The following CMTM7 variants were observed in gnomAD, a reference collection of about 807,000 sequenced individuals.
CMTM7 encodes the protein CKLF like MARVEL transmembrane domain containing 7.
A neutral mutation model predicts 19.3 loss-of-function variants in CMTM7; 7 were observed. The observed-to-expected ratio is 0.36, with a 90% confidence interval of 0.21 to 0.68. CMTM7 has a LOEUF of 0.68. Ranked by LOEUF, CMTM7 falls within the 30% of genes least tolerant of loss-of-function variation. The pLI is 0.60. For synonymous variants in CMTM7, 87 were observed against 99.3 expected (o/e 0.88, Z 0.74); for missense variants, 193 against 232.6 (o/e 0.83, Z 1.11).
intron 1 of CMTM7, among the ~76,000 whole-genome samples, chr3:32,397,598 G>T (rs1695937545): frequency 6.6e-6 from 1 of 152,086 alleles, no homozygotes; most frequent in Non-Finnish European, 1.5e-5. Context: ...GCCAGGCGTG[G>T]TGGCACACGC....
chr3:32,392,843 C>T (rs1166918998), intron 1 of CMTM7, among the ~76,000 whole-genome samples: 2 of 152,234 alleles, frequency 1.3e-5, no homozygotes, highest in Admixed American at 1.3e-4. Flanking sequence ...CCTACCAGGG[C>T]AGACGTTGCC....
intron 1 of CMTM7, among the ~76,000 whole-genome samples, chr3:32,406,983 G>T (rs1280470841): frequency 1.3e-5 from 2 of 152,222 alleles, no homozygotes; most frequent in Non-Finnish European, 2.9e-5. Context: ...GCAGAAGGCT[G>T]CAAGCATAAT....
chr3:32,414,206 T>C (rs568086841), intron 1 of CMTM7, among the ~76,000 whole-genome samples: 38 of 152,302 alleles, frequency 2.5e-4, no homozygotes, highest in Admixed American at 2.1e-3. Context: ...TCAGAGTCTA[T>C]TTCCAGGGAA....
intron 1 of CMTM7, among the ~76,000 whole-genome samples, chr3:32,418,036 G>A (rs764392731): frequency 6.6e-6 from 1 of 152,116 alleles, no homozygotes; most frequent in African/African-American, 2.4e-5. Flanking sequence ...TGCTAAGGCT[G>A]GTCTCGAACT....
At chr3:32,431,531 ACTTGC>A (rs1696518744) in intron 1 of CMTM7, among the ~76,000 whole-genome samples, 1 of 152,072 alleles carries the variant, frequency 6.6e-6, no homozygotes, top group African/African-American at 2.4e-5. Flanking sequence ...TAAACTATGG[ACTTGC>A]CTTCTGTCAC....
intron 1 of CMTM7, among the ~76,000 whole-genome samples, chr3:32,431,297 G>A (rs982540953): frequency 1.1e-4 from 17 of 152,172 alleles, no homozygotes; most frequent in African/African-American, 3.9e-4. Flanking sequence ...GCCAGGGGAG[G>A]TGGTTATCTC....
chr3:32,416,299 A>G (rs1485925996), intron 1 of CMTM7, among the ~76,000 whole-genome samples: 1 of 150,710 alleles, frequency 6.6e-6, no homozygotes, highest in Non-Finnish European at 1.5e-5. Context: ...CCCAGGTTCA[A>G]GCAATTCTGC....
At chr3:32,398,518 A>G (rs1335309474) in intron 1 of CMTM7, among the ~76,000 whole-genome samples, 1 of 152,194 alleles carries the variant, frequency 6.6e-6, no homozygotes, top group Non-Finnish European at 1.5e-5. Context: ...GAAAATAAAC[A>G]TTAATCAAAA....
intron 4 of CMTM7, among the ~76,000 whole-genome samples, chr3:32,454,037 A>G (rs1426300061): frequency 1.3e-5 from 2 of 152,180 alleles, no homozygotes; most frequent in East Asian, 1.9e-4. Context: ...GGGAGTGCGG[A>G]TGGGAGTCAC....
intron 1 of CMTM7, among the ~76,000 whole-genome samples, chr3:32,408,685 C>T (rs945837946): frequency 1.3e-5 from 2 of 152,080 alleles, no homozygotes; most frequent in African/African-American, 2.4e-5. Context: ...TCCCCAGATT[C>T]CCCCAAACCA....
At chr3:32,436,493 A>G (rs1696600360) in intron 1 of CMTM7, among the ~76,000 whole-genome samples, 1 of 152,076 alleles carries the variant, frequency 6.6e-6, no homozygotes, top group Non-Finnish European at 1.5e-5. Context: ...CTGCATCCTC[A>G]TCTGCATCTC....
intron 3 of CMTM7, chr3:32,451,647 G>T (rs758624017): frequency 1.0e-4 from 19 of 186,446 alleles, no homozygotes; most frequent in Admixed American, 4.7e-4. Flanking sequence ...TTGTTCACAA[G>T]CAAGGAAAAT....
At chr3:32,424,196 G>A (rs1325605273) in intron 1 of CMTM7, among the ~76,000 whole-genome samples, 2 of 152,176 alleles carry the variant, frequency 1.3e-5, no homozygotes, top group East Asian at 3.8e-4. Flanking sequence ...ATGCTGGCTG[G>A]CGGCCTTATG....
chr3:32,394,034 A>G (rs1179311936), intron 1 of CMTM7, among the ~76,000 whole-genome samples: 1 of 152,218 alleles, frequency 6.6e-6, no homozygotes, highest in African/African-American at 2.4e-5. Context: ...TCTTAAAACC[A>G]TGCTGAGGAG....
At chr3:32,443,602 T>G (rs1002731405) in intron 2 of CMTM7, among the ~76,000 whole-genome samples, 4 of 152,200 alleles carry the variant, frequency 2.6e-5, no homozygotes, top group African/African-American at 9.7e-5. Flanking sequence ...AATTACTGAG[T>G]CATATGGTCA....
At chr3:32,437,760 G>A (rs164035) in intron 1 of CMTM7, among the ~76,000 whole-genome samples, 1 of 151,818 alleles carries the variant, frequency 6.6e-6, no homozygotes, top group Non-Finnish European at 1.5e-5. Context: ...GCATGGTGGC[G>A]CATACATGTA....
At chr3:32,419,558 AGTTTT>A (rs56263525) in intron 1 of CMTM7, among the ~76,000 whole-genome samples, 3 of 151,338 alleles carry the variant, frequency 2.0e-5, no homozygotes, top group East Asian at 1.9e-4. Flanking sequence ...GCTTGCTGAA[AGTTTT>A]GTTTTGTTTT....
intron 1 of CMTM7, among the ~76,000 whole-genome samples, chr3:32,423,205 G>C (rs148036292): frequency 6.6e-6 from 1 of 152,314 alleles, no homozygotes; most frequent in East Asian, 1.9e-4. Context: ...TCTGAGGCCA[G>C]CAGGCTAGTA....
chr3:32,442,390 T>C (rs1261517032), intron 2 of CMTM7, among the ~76,000 whole-genome samples: 1 of 149,402 alleles, frequency 6.7e-6, no homozygotes. Context: ...TCCCAGCTAC[T>C]CAGAGAGGCT....
Sources: gnomAD v4.1 joint callset for allele counts (sites outside exome capture counted in the v4.1 genomes callset) on GRCh38, gnomAD v4.1.1 for gene constraint, MANE v1.5 for transcripts, NCBI Gene and HGNC (gene_info 2026-07-23, HGNC 2026-07-21) for gene names.